EBF2: variants seen among roughly 807,000 people sequenced by gnomAD.
The protein encoded by EBF2 is transcription factor COE2.
Under a neutral mutation model 72.8 loss-of-function variants are expected in EBF2, and 21 were observed. The ratio of observed to expected loss-of-function variants is 0.29; its 90% CI spans 0.20 to 0.42. EBF2 has a LOEUF of 0.42. Ranked by LOEUF, EBF2 falls within the 10% of genes least tolerant of loss-of-function variation. The probability of loss-of-function intolerance (pLI) is 1.00; values close to 1 mark genes in which losing one functional copy is unlikely to be tolerated. For synonymous variants in EBF2, 299 were observed against 274.2 expected (o/e 1.09, Z -0.89); for missense variants, 637 against 731.2 (o/e 0.87, Z 1.49).
intron 6 of EBF2, among the ~76,000 whole-genome samples, chr8:25,987,554 T>A (rs1013039514): frequency 2.0e-5 from 3 of 152,228 alleles, no homozygotes; most frequent in Non-Finnish European, 4.4e-5. Flanking sequence ...ATGAGTGGCA[T>A]CATATCCATG....
rs1205167991 is a variant in EBF2, at chr8:26,005,547, T to TTATATA, written c.551+27537_551+27538insTATATA. Among the ~76,000 whole-genome samples, 18 of 15,714 alleles carry TTATATA rather than the reference T, an allele frequency of 1.1e-3. No individual in the cohort carries two copies. In the East Asian group the frequency reaches 0.019, roughly 17 times the overall value. The allele number at this position is 15,714 out of a possible 152,430, so 10.3% of individuals were successfully genotyped here. A position where few individuals can be genotyped will look rare whatever the true frequency, so the allele number is the denominator to read the frequency against. ...TATTATATATTATATATATTTTATA[T>TTATATA]ATATATATATATATAGAGAGAGAGA... On this transcript the variant is annotated intron_variant, in intron 6 of 15. Transcript: ENST00000520164.
At chr8:26,035,132 C>G (rs1805477226) in intron 5 of EBF2, among the ~76,000 whole-genome samples, 1 of 126,354 alleles carries the variant, frequency 7.9e-6, no homozygotes, top group African/African-American at 3.1e-5. Context: ...TAGCACCAAC[C>G]CAGTCTTAGA....
At chr8:26,030,885 T>A (rs1428670568) in intron 6 of EBF2, among the ~76,000 whole-genome samples, 1 of 152,266 alleles carries the variant, frequency 6.6e-6, no homozygotes, top group Non-Finnish European at 1.5e-5. Context: ...AGGCGCCTAA[T>A]ATGAAAATCT....
At chr8:25,915,066 C>T (rs532390523) in intron 6 of EBF2, among the ~76,000 whole-genome samples, 213 of 152,256 alleles carry the variant, frequency 1.4e-3, no homozygotes, top group African/African-American at 4.7e-3. Context: ...ATTCATTGAG[C>T]TTATATTATT....
chr8:25,850,965 G>A (rs1035584886), intron 14 of EBF2, among the ~76,000 whole-genome samples: 14 of 152,030 alleles, frequency 9.2e-5, no homozygotes, highest in African/African-American at 3.4e-4. Context: ...TGGTAATGAC[G>A]CTATTAGAGG....
At chr8:25,984,961 C>T (rs1804424141) in intron 6 of EBF2, among the ~76,000 whole-genome samples, 1 of 151,058 alleles carries the variant, frequency 6.6e-6, no homozygotes, top group Non-Finnish European at 1.5e-5. Flanking sequence ...AATTATGGCT[C>T]TACAATAAGC....
intron 6 of EBF2, among the ~76,000 whole-genome samples, chr8:25,983,322 C>T (rs536928296): frequency 1.3e-4 from 20 of 152,144 alleles, no homozygotes; most frequent in East Asian, 3.9e-4. Flanking sequence ...TGTAAAAATG[C>T]GCCTGTGAAA....
rs375181881 is a variant in EBF2 at position 25,952,075 on chromosome 8, T to G, written c.552-43520A>C. On this transcript the variant is annotated intron_variant, in intron 6 of 15. Transcript: ENST00000520164. ...TGGAAGGCCAAGGCAGGAGGATTGC[T>G]TGAGGCCAGGAGTTCCAGGCCAGCC... is the stretch of plus-strand genomic sequence containing the variant. Among the ~76,000 whole-genome samples, 49 of 152,296 alleles carry G rather than the reference T, an allele frequency of 3.2e-4. No homozygotes were observed. The South Asian group carries it at 4.2e-3, about 13-fold the overall frequency.
intron 10 of EBF2, among the ~76,000 whole-genome samples, chr8:25,874,004 T>G (rs2117276177): frequency 6.6e-6 from 1 of 152,242 alleles, no homozygotes; most frequent in South Asian, 2.1e-4. Context: ...TGGAGACAAC[T>G]TCAGTAAAAG....
chr8:25,937,029 TG>T (rs1803591035), intron 6 of EBF2, among the ~76,000 whole-genome samples: 1 of 152,214 alleles, frequency 6.6e-6, no homozygotes, highest in Non-Finnish European at 1.5e-5. Context: ...AGCTGATTTT[TG>T]GTAAGTATTT....
chr8:25,933,382 A>G (rs1189162402), intron 6 of EBF2, among the ~76,000 whole-genome samples: 3 of 152,180 alleles, frequency 2.0e-5, no homozygotes, highest in African/African-American at 7.2e-5. Context: ...ATCTACGGAA[A>G]AGGGACCGTA....
At chr8:25,943,231 C>A (rs765296023) in intron 6 of EBF2, among the ~76,000 whole-genome samples, 1 of 148,232 alleles carries the variant, frequency 6.7e-6, no homozygotes, top group Non-Finnish European at 1.5e-5. Context: ...TTTTGGGAGG[C>A]CAAGGTGGAA....
intron 6 of EBF2, among the ~76,000 whole-genome samples, chr8:25,961,678 GA>G (rs1489377862): frequency 2.6e-5 from 4 of 152,030 alleles, no homozygotes; most frequent in Non-Finnish European, 4.4e-5. Flanking sequence ...GAGGTGTTAA[GA>G]AAAAAATCAA....
intron 15 of EBF2, among the ~76,000 whole-genome samples, chr8:25,849,263 A>G (rs1801908664): frequency 6.6e-6 from 1 of 152,208 alleles, no homozygotes; most frequent in South Asian, 2.1e-4. Flanking sequence ...TTCTCTGTAG[A>G]GTCACTTGAC....
intron 6 of EBF2, among the ~76,000 whole-genome samples, chr8:26,015,572 T>C (rs1401852067): frequency 2.6e-5 from 4 of 152,228 alleles, no homozygotes; most frequent in African/African-American, 4.8e-5. Context: ...TAGGGCGACA[T>C]GGAGATTAAC....
chr8:25,990,321 G>A (rs1247895425), intron 6 of EBF2, among the ~76,000 whole-genome samples: 2 of 151,848 alleles, frequency 1.3e-5, no homozygotes, highest in Non-Finnish European at 2.9e-5. Flanking sequence ...AATAAGAAAG[G>A]TCTGTTAAGT....
intron 6 of EBF2, among the ~76,000 whole-genome samples, chr8:25,937,100 A>C (rs1193246358): frequency 6.6e-6 from 1 of 152,214 alleles, no homozygotes; most frequent in Non-Finnish European, 1.5e-5. Flanking sequence ...ATTCTGATCG[A>C]TTGATTAATG....
chr8:25,912,629 T>G (rs4242425), intron 6 of EBF2, among the ~76,000 whole-genome samples: 80,429 of 151,938 alleles, frequency 0.53, 23,819 homozygotes, highest in East Asian at 0.74. Flanking sequence ...TGCTTAATAT[T>G]GAAAACTGCT....
chr8:25,910,406 C>A (rs577089790), intron 6 of EBF2, among the ~76,000 whole-genome samples: 21 of 152,238 alleles, frequency 1.4e-4, no homozygotes, highest in Admixed American at 9.8e-4. Flanking sequence ...CCTGCTAAAC[C>A]CAAATGGAGG....
Sources: allele counts gnomAD v4.1 joint callset (sites outside exome capture counted in the v4.1 genomes callset), GRCh38; gene constraint gnomAD v4.1.1; transcripts MANE v1.5; gene names NCBI Gene and HGNC (gene_info 2026-07-23, HGNC 2026-07-21).